The following ARRB1 variants were observed in gnomAD, a reference collection of about 807,000 sequenced individuals.
ARRB1 encodes beta-arrestin-1.
A neutral mutation model predicts 56.8 loss-of-function variants in ARRB1; 21 were observed. The observed-to-expected ratio is 0.37, with a 90% CI of 0.26 to 0.53. The LOEUF is 0.53. Ranked by LOEUF, ARRB1 falls within the 20% of genes least tolerant of loss-of-function variation. The pLI, the probability that ARRB1 is intolerant of heterozygous loss-of-function variation, is 0.88. For synonymous variants in ARRB1, 210 were observed against 218.6 expected, an observed-to-expected ratio of 0.96 and a Z score of 0.35; for missense variants, 424 against 553.7, an observed-to-expected ratio of 0.77 and a Z score of 2.35.
chr11:75,300,193 ACT>A (rs1946864990), intron 1 of ARRB1, among the ~76,000 whole-genome samples: 1 of 119,364 alleles, frequency 8.4e-6, no homozygotes, highest in Non-Finnish European at 1.7e-5. Flanking sequence ...ACACAGTGAG[ACT>A]CTGTCTCAAA....
intron 1 of ARRB1, among the ~76,000 whole-genome samples, chr11:75,291,700 C>T (rs921278106): frequency 3.9e-5 from 6 of 151,970 alleles, no homozygotes; most frequent in South Asian, 4.2e-4. Flanking sequence ...ACAGAGACCG[C>T]GAGATAAGAG....
At position 75,278,726 on chromosome 11, in the gene ARRB1, G is replaced by A. The variant is rs1946255889; in HGVS notation, c.501C>T (p.Val167=). The change falls in exon 8 of 16, where the codon GTC becomes GTT. Residue 167 remains valine (V), a synonymous_variant. Coordinates refer to ENST00000420843, the MANE Select transcript of ARRB1 (RefSeq NM_004041.5). Reference sequence around the variant, plus strand: ...CTGGGGCATACTGAACCTTCCGGATGACCAGACGCACAGAATTCCTAATGG... The same window carrying A: ...CTGGGGCATACTGAACCTTCCGGATAACCAGACGCACAGAATTCCTAATGG... ...KIHKRNSVRL[V]IRKVQYAPER... is the part of the protein sequence containing the mutation. 6.2e-7 allele frequency: 1 copy of A among 1,611,332 alleles called. No individual in the cohort carries two copies. Among genetic ancestry groups the A allele is most frequent in the Non-Finnish European group, 8.5e-7 (1 of 1,178,404 alleles).
intron 1 of ARRB1, among the ~76,000 whole-genome samples, chr11:75,300,217 A>AG (rs1247483257): frequency 6.8e-5 from 10 of 147,426 alleles, no homozygotes; most frequent in South Asian, 2.1e-4. Context: ...AAAAAAAAAA[A>AG]AAAAAGAAAG....
chr11:75,324,838 G>C (rs1947404980), intron 1 of ARRB1, among the ~76,000 whole-genome samples: 1 of 152,172 alleles, frequency 6.6e-6, no homozygotes, highest in African/African-American at 2.4e-5. Context: ...AAGGAGAAGA[G>C]AGCAAGGCCC....
At chr11:75,299,774 G>A (rs1946853051) in intron 1 of ARRB1, among the ~76,000 whole-genome samples, 1 of 152,166 alleles carries the variant, frequency 6.6e-6, no homozygotes, top group Non-Finnish European at 1.5e-5. Flanking sequence ...GATATTATTT[G>A]TGTTATATTC....
chr11:75,327,494 A>G (rs545097002), intron 1 of ARRB1, among the ~76,000 whole-genome samples: 2 of 152,024 alleles, frequency 1.3e-5, no homozygotes, highest in African/African-American at 4.8e-5. Flanking sequence ...AGGTGGGTGC[A>G]GTGGTTCATG....
In ARRB1 at chr11:75,296,872, T is replaced by G. The variant is rs547663282; in HGVS notation, c.21-6833A>C. On this transcript the variant is annotated intron_variant, in intron 1 of 15. Transcript: ENST00000420843. ...TTTTGTATTTTAGTAGAGATGGGGT[T>G]TCACCATGTTGTCCAGGGTGGTCTC... Among the ~76,000 whole-genome samples the G allele has an allele frequency of 5.3e-5, 8 of 152,188 alleles. No homozygotes were observed. In the South Asian group the frequency reaches 1.7e-3, roughly 32 times the overall value.
intron 1 of ARRB1, among the ~76,000 whole-genome samples, chr11:75,294,012 C>T (rs1300893656): frequency 6.6e-6 from 1 of 152,194 alleles, no homozygotes; most frequent in African/African-American, 2.4e-5. Flanking sequence ...ACTGTTTCCA[C>T]TCTGATTCTC....
At chr11:75,332,594 TGTTTAA>T (rs1342885650) in intron 1 of ARRB1, among the ~76,000 whole-genome samples, 1 of 152,030 alleles carries the variant, frequency 6.6e-6, no homozygotes, top group East Asian at 1.9e-4. Context: ...AACCAGAAAA[TGTTTAA>T]GTTTACCTAT....
At chr11:75,308,483 C>T (rs551716346) in intron 1 of ARRB1, among the ~76,000 whole-genome samples, 16 of 152,280 alleles carry the variant, frequency 1.1e-4, no homozygotes, top group Admixed American at 7.8e-4. Flanking sequence ...CAGTAGCTCA[C>T]GCCTATAATC....
chr11:75,314,804 A>T (rs1038145994), intron 1 of ARRB1, among the ~76,000 whole-genome samples: 1 of 151,430 alleles, frequency 6.6e-6, no homozygotes, highest in African/African-American at 2.4e-5. Flanking sequence ...ATGGGGTTTC[A>T]CCATGTTGCC....
intron 7 of ARRB1, among the ~76,000 whole-genome samples, chr11:75,280,285 A>C (rs750906686): frequency 6.6e-6 from 1 of 152,162 alleles, no homozygotes; most frequent in African/African-American, 2.4e-5. Context: ...CTCCTCACAC[A>C]CAGCTGCCAG....
intron 1 of ARRB1, among the ~76,000 whole-genome samples, chr11:75,294,299 G>A (rs1377254149): frequency 1.3e-5 from 2 of 152,074 alleles, no homozygotes; most frequent in Admixed American, 1.3e-4. Flanking sequence ...CCAGCACTTT[G>A]GGATCATGCC....
Position 75,267,711 on chromosome 11 carries a change from C to T in ARRB1, c.1094-8G>A, listed in dbSNP as rs1386858494. The T allele has an allele frequency of 1.0e-6, 1 of 953,916 alleles. No individual in the cohort carries two copies. The highest frequency in any genetic ancestry group is 1.6e-6 in the Non-Finnish European group (1 of 621,094). The allele number at this position is 953,916 out of a possible 1,614,324, so 59.1% of individuals were successfully genotyped here. A position where few individuals can be genotyped will look rare whatever the true frequency, so the allele number is the denominator to read the frequency against. ...GCGTCTCGTTCTCTGGAACTAAACA[C>T]AGGGTGGGTGGGCAGGGTGTCCAGG... On this transcript the variant is annotated splice_region_variant and splice_polypyrimidine_tract_variant and intron_variant, in intron 14 of 15. Transcript: ENST00000420843.
intron 11 of ARRB1, 104 bp from the exon 12 acceptor site, chr11:75,273,082 G>T: frequency 5.4e-6 from 5 of 930,880 alleles, no homozygotes; most frequent in Non-Finnish European, 1.7e-6. Flanking sequence ...CCCCCATCTG[G>T]CTAGCCACTC....
Position 75,262,759 on chromosome 11 carries a change from G to A in ARRB1, c.*3404C>T, listed in dbSNP as rs1246581574. 6.6e-6 allele frequency among the ~76,000 whole-genome samples: 1 copy of A among 152,230 alleles called. No homozygotes were observed. The highest frequency in any genetic ancestry group is 1.5e-5 in the Non-Finnish European group (1 of 68,038). On this transcript the variant is annotated 3_prime_UTR_variant, in exon 16 of 16. Coordinates refer to ENST00000420843, the MANE Select transcript of ARRB1 (RefSeq NM_004041.5). ...CCCCCCAGGTGGTTGGTGACAGGCA[G>A]GACTGAGAGGCGGCATTGGGGACTT... is the stretch of plus-strand genomic sequence containing the variant.
intron 3 of ARRB1, among the ~76,000 whole-genome samples, chr11:75,284,771 C>G (rs111880216): frequency 6.6e-6 from 1 of 152,006 alleles, no homozygotes; most frequent in East Asian, 1.9e-4. Context: ...GGCATGGTGG[C>G]GGGCCCCTGT....
At chr11:75,282,641 TTC>T (rs1247119428) in intron 5 of ARRB1, among the ~76,000 whole-genome samples, 2 of 152,210 alleles carry the variant, frequency 1.3e-5, no homozygotes, top group African/African-American at 2.4e-5. Context: ...GTTTTGGGAC[TTC>T]TGACCTCCAG....
chr11:75,350,510 G>T (rs1009562807), intron 1 of ARRB1, among the ~76,000 whole-genome samples: 2 of 152,198 alleles, frequency 1.3e-5, no homozygotes, highest in African/African-American at 4.8e-5. Flanking sequence ...GGGTGGCAAC[G>T]CTGAGCCCCT....
Sources: gnomAD v4.1 joint callset for allele counts (sites outside exome capture counted in the v4.1 genomes callset) on GRCh38, gnomAD v4.1.1 for gene constraint, MANE v1.5 for transcripts, NCBI Gene and HGNC (gene_info 2026-07-23, HGNC 2026-07-21) for gene names.